PHACTR2: variants seen among roughly 807,000 people sequenced by gnomAD.
PHACTR2 encodes phosphatase and actin regulator 2.
A neutral mutation model predicts 76.0 loss-of-function variants in PHACTR2; 30 were observed. That is an observed-to-expected ratio of 0.39 (90% CI 0.30 to 0.54). PHACTR2 has a LOEUF of 0.54. Among genes scored for constraint, PHACTR2 ranks in the 20% least tolerant of loss-of-function variants. The pLI is 0.61. For missense variants in PHACTR2, 696 were observed against 781.1 expected, an observed-to-expected ratio of 0.89 and a Z score of 1.30; for synonymous variants, 292 against 292.5, an observed-to-expected ratio of 1.00 and a Z score of 0.02.
chr6:143,609,386 T>C (rs1300938907), intron 1 of PHACTR2, among the ~76,000 whole-genome samples: 1 of 149,480 alleles, frequency 6.7e-6, no homozygotes, highest in African/African-American at 2.5e-5. Context: ...ATTGAAGATA[T>C]TGAAATAAAG....
chr6:143,661,765 C>T (rs1486093505), intron 1 of PHACTR2, among the ~76,000 whole-genome samples: 1 of 151,940 alleles, frequency 6.6e-6, no homozygotes, highest in Non-Finnish European at 1.5e-5. Context: ...CCAGGTTGAC[C>T]AGGCTGATGT....
At chr6:143,649,251 A>C (rs1183250704) in intron 1 of PHACTR2, among the ~76,000 whole-genome samples, 1 of 152,206 alleles carries the variant, frequency 6.6e-6, no homozygotes, top group Non-Finnish European at 1.5e-5. Flanking sequence ...GGAGGGTGTG[A>C]AACAGCACAA....
rs1776103137 is a variant in PHACTR2 at position 143,618,838 on chromosome 6, CT to C, written c.13+10517del. The stretch of plus-strand genomic sequence containing the variant: ...CCTCCCCGAAAACTCTCTTCTACCC[CT>C]GTTGGAACACGTAGCAGATATACCA... On this transcript the variant is annotated intron_variant, in intron 1 of 11. Coordinates refer to the PHACTR2 transcript ENST00000305766. This position sits in a 1 kb window ranked among gnomAD's most constrained non-coding sequence, Gnocchi z 5.2. 6.6e-6 allele frequency among the ~76,000 whole-genome samples: 1 copy of C among 152,106 alleles called. No individual in the cohort carries two copies. The highest frequency in any genetic ancestry group is 1.5e-5 in the Non-Finnish European group (1 of 68,030).
chr6:143,572,953 G>C (rs758822562), intron 1 of PHACTR2, among the ~76,000 whole-genome samples: 1 of 152,120 alleles, frequency 6.6e-6, no homozygotes, highest in Non-Finnish European at 1.5e-5. Context: ...TGGAAGTTTG[G>C]TCATCATCAG....
At chr6:143,651,493 T>C (rs1776763497) in intron 1 of PHACTR2, among the ~76,000 whole-genome samples, 2 of 152,122 alleles carry the variant, frequency 1.3e-5, no homozygotes. Flanking sequence ...ATATACACCG[T>C]GGAATACTAT....
rs547880830 is a variant in PHACTR2, at chr6:143,700,283, G to C, written c.47-11733G>C. On this transcript the variant is annotated intron_variant, in intron 1 of 12. Coordinates refer to ENST00000440869, the MANE Select transcript of PHACTR2 (RefSeq NM_001100164.2). This position sits in a 1 kb window ranked among gnomAD's most constrained non-coding sequence, Gnocchi z 4.1. Reference sequence around the variant, plus strand: ...AAACTGTGATATTTCAGCCAGGCGCGGTGGCTCATGCCTGTAAACCAAACA... The same window carrying C: ...AAACTGTGATATTTCAGCCAGGCGCCGTGGCTCATGCCTGTAAACCAAACA... Among the ~76,000 whole-genome samples the C allele has an allele frequency of 2.0e-5, 3 of 152,078 alleles. No homozygotes were observed. Among genetic ancestry groups the C allele is most frequent in the African/African-American group, 7.2e-5 (3 of 41,404 alleles).
rs537591747 is a variant in PHACTR2 at position 143,688,947 on chromosome 6, T to C, written c.46+10738T>C. Among the ~76,000 whole-genome samples, 1 of 152,304 alleles carries C rather than the reference T, an allele frequency of 6.6e-6. No homozygotes were observed. The highest frequency in any genetic ancestry group is 1.9e-4 in the East Asian group (1 of 5,182). The stretch of plus-strand genomic sequence containing the variant: ...GATTGCATAGTATGGCCCTCGAGGC[T>C]CTACATGAGCCTATATGATCCCTGC... On this transcript the variant is annotated intron_variant, in intron 1 of 12. Coordinates refer to ENST00000440869, the MANE Select transcript of PHACTR2 (RefSeq NM_001100164.2). This position sits in a 1 kb window ranked among gnomAD's most constrained non-coding sequence, Gnocchi z 5.2.
At chr6:143,544,145 T>C (rs1354131244) in intron 1 of PHACTR2, among the ~76,000 whole-genome samples, 1 of 150,074 alleles carries the variant, frequency 6.7e-6, no homozygotes, top group Non-Finnish European at 1.5e-5. Context: ...ACTCTAAACT[T>C]GCCCTGCCTT....
intron 2 of PHACTR2, among the ~76,000 whole-genome samples, chr6:143,723,703 C>T (rs1562282967): frequency 6.6e-6 from 1 of 152,170 alleles, no homozygotes; most frequent in East Asian, 1.9e-4. Flanking sequence ...TCGAGAATAG[C>T]GGTCAGTGAG....
intron 1 of PHACTR2, among the ~76,000 whole-genome samples, chr6:143,686,575 C>A (rs781326649): frequency 6.7e-6 from 1 of 149,528 alleles, no homozygotes; most frequent in Non-Finnish European, 1.5e-5. Flanking sequence ...GCAACCTCCA[C>A]CTTCTGGTTT....
In PHACTR2 at chr6:143,561,884, C is replaced by T. The variant is rs189524397; in HGVS notation, c.217+24677C>T. The T allele has an allele frequency of 7.9e-5, 12 of 152,292 alleles. No homozygotes were observed. The Middle Eastern group carries it at 0.01, about 130-fold the overall frequency. The allele number at this position is 152,292 out of a possible 1,614,324, so 9.4% of individuals were successfully genotyped here. On this transcript the variant is annotated intron_variant, in intron 1 of 11. Coordinates refer to the PHACTR2 transcript ENST00000367584. The surrounding 1 kb of genome is among the most constrained non-coding windows in gnomAD (Gnocchi z 4.1). Reference sequence around the variant, plus strand: ...AAATTCAGGTTGCCTTTGATATTAACCTCCATGAAGACTATCACTGATTGA... The same window carrying T: ...AAATTCAGGTTGCCTTTGATATTAATCTCCATGAAGACTATCACTGATTGA...
In PHACTR2 at chr6:143,553,939, C is replaced by T. The variant is rs1682124824; in HGVS notation, c.217+16732C>T. 6.6e-6 allele frequency among the ~76,000 whole-genome samples: 1 copy of T among 152,000 alleles called. No homozygotes were observed. Among genetic ancestry groups the T allele is most frequent in the Non-Finnish European group, 1.5e-5 (1 of 68,010 alleles). ...GAAGTTAAGGGGTGATCCTTCCAGG[C>T]AGAGAGAAGAGCAAGGGCAAAGGCC... is the stretch of plus-strand genomic sequence containing the variant. On this transcript the variant is annotated intron_variant, in intron 1 of 11. Coordinates refer to the PHACTR2 transcript ENST00000367584. The surrounding 1 kb of genome is among the most constrained non-coding windows in gnomAD (Gnocchi z 4.2).
intron 2 of PHACTR2, among the ~76,000 whole-genome samples, chr6:143,746,296 G>A (rs1206687886): frequency 6.6e-6 from 1 of 152,128 alleles, no homozygotes; most frequent in South Asian, 2.1e-4. Flanking sequence ...GGAATTCAAG[G>A]ACTAGAATCC....
At chr6:143,702,759 G>C (rs1028820468) in intron 1 of PHACTR2, among the ~76,000 whole-genome samples, 1 of 128,476 alleles carries the variant, frequency 7.8e-6, no homozygotes, top group Non-Finnish European at 1.6e-5. Flanking sequence ...TGCATTGTAA[G>C]AATATATATA....
At chr6:143,552,909 G>T (rs1000678218) in intron 1 of PHACTR2, among the ~76,000 whole-genome samples, 3 of 116,518 alleles carry the variant, frequency 2.6e-5, no homozygotes, top group South Asian at 2.7e-4. Context: ...AAAAAAAAAA[G>T]CAAAAAACTA....
chr6:143,545,497 A>C (rs1353278886), intron 1 of PHACTR2, among the ~76,000 whole-genome samples: 2 of 152,208 alleles, frequency 1.3e-5, no homozygotes, highest in Non-Finnish European at 2.9e-5. Context: ...ATGCTAGCCC[A>C]ATCCTGCATT....
intron 6 of PHACTR2, among the ~76,000 whole-genome samples, chr6:143,771,206 A>ATATATATG (rs1775121859): frequency 2.6e-5 from 2 of 77,128 alleles, no homozygotes; most frequent in African/African-American, 1.4e-4. Flanking sequence ...ATATATATAT[A>ATATATATG]TATATATATA....
rs936299988 is a variant in PHACTR2 at position 143,553,539 on chromosome 6, T to A, written c.217+16332T>A. 2.6e-5 allele frequency among the ~76,000 whole-genome samples: 4 copies of A among 152,216 alleles called. No homozygotes were observed. Among genetic ancestry groups the A allele is most frequent in the African/African-American group, 9.6e-5 (4 of 41,456 alleles). On this transcript the variant is annotated intron_variant, in intron 1 of 11. Transcript: ENST00000367584. This position sits in a 1 kb window ranked among gnomAD's most constrained non-coding sequence, Gnocchi z 4.2. ...AGGAGCCCCATCTTCAGATGTTAGA[T>A]GAACAAACAGTAAATTATTTTGACA...
rs1222189371 is a variant in PHACTR2, at chr6:143,656,232, C to T, written c.13+47910C>T. The stretch of plus-strand genomic sequence containing the variant: ...CCATTCCTGTCCAGACCAGGGACTT[C>T]CTCTGACCTTGGCAACTCAGTTACC... On this transcript the variant is annotated intron_variant, in intron 1 of 11. Transcript: ENST00000305766. The surrounding 1 kb of genome is among the most constrained non-coding windows in gnomAD (Gnocchi z 5.3). Among the ~76,000 whole-genome samples the T allele has an allele frequency of 6.6e-6, 1 of 152,174 alleles. No individual in the cohort carries two copies. The highest frequency in any genetic ancestry group is 1.5e-5 in the Non-Finnish European group (1 of 68,038).
Sources: allele counts gnomAD v4.1 joint callset (sites outside exome capture counted in the v4.1 genomes callset), GRCh38; gene constraint gnomAD v4.1.1; non-coding constraint Gnocchi (gnomAD v3.1); transcripts MANE v1.5; gene names NCBI Gene and HGNC (gene_info 2026-07-23, HGNC 2026-07-21).